The following TSPAN8 variants were observed in gnomAD, a reference collection of about 807,000 sequenced individuals.
TSPAN8 encodes tetraspanin 8.
Under a neutral mutation model 32.8 loss-of-function variants are expected in TSPAN8, and 21 were observed. The ratio of observed to expected loss-of-function variants is 0.64; its 90% CI spans 0.45 to 0.92. The LOEUF (loss-of-function observed/expected upper bound fraction) is 0.92. Ranked by LOEUF, TSPAN8 falls within the 40% of genes least tolerant of loss-of-function variation. The pLI is 0.00. For missense variants in TSPAN8, 269 were observed against 281.9 expected, an observed-to-expected ratio of 0.95 and a Z score of 0.33; for synonymous variants, 95 against 94.6, an observed-to-expected ratio of 1.00 and a Z score of -0.03.
At chr12:71,126,471 C>G (rs909219196) in intron 8 of TSPAN8, among the ~76,000 whole-genome samples, 12 of 152,074 alleles carry the variant, frequency 7.9e-5, no homozygotes, top group African/African-American at 2.9e-4. Context: ...ACTGCTACAT[C>G]CTTGAAATAG....
At chr12:71,126,521 C>T (rs1046829126) in intron 8 of TSPAN8, among the ~76,000 whole-genome samples, 7 of 152,114 alleles carry the variant, frequency 4.6e-5, no homozygotes, top group African/African-American at 1.4e-4. Flanking sequence ...GTTAATATCA[C>T]ACTTTCTTGT....
At chr12:71,150,871 T>C (rs1872231157) in intron 2 of TSPAN8, among the ~76,000 whole-genome samples, 1 of 152,134 alleles carries the variant, frequency 6.6e-6, no homozygotes, top group South Asian at 2.1e-4. Flanking sequence ...CCTGCCACCA[T>C]GTAAGATGGG....
At chr12:71,127,013 T>A (rs964855190) in intron 8 of TSPAN8, among the ~76,000 whole-genome samples, 2 of 152,152 alleles carry the variant, frequency 1.3e-5, no homozygotes, top group African/African-American at 4.8e-5. Context: ...CCCACCTCAC[T>A]AAAACCTATG....
At chr12:71,151,648 G>A (rs1872259451) in intron 2 of TSPAN8, among the ~76,000 whole-genome samples, 1 of 152,152 alleles carries the variant, frequency 6.6e-6, no homozygotes, top group African/African-American at 2.4e-5. Context: ...GTAGACCTGT[G>A]CATCCATTTG....
chr12:71,153,236 G>A (rs1872315451), intron 2 of TSPAN8, among the ~76,000 whole-genome samples: 1 of 152,122 alleles, frequency 6.6e-6, no homozygotes, highest in Admixed American at 6.6e-5. Context: ...AAAAATTGGG[G>A]CATTTCATCT....
At chr12:71,140,320 T>G (rs1871863121) in intron 3 of TSPAN8, among the ~76,000 whole-genome samples, 2 of 152,202 alleles carry the variant, frequency 1.3e-5, no homozygotes, top group Admixed American at 1.3e-4. Flanking sequence ...AAGTAAATAC[T>G]GTATGATTCC....
At chr12:71,139,498 A>AAGGATGTAT (rs1555195470) in intron 4 of TSPAN8, among the ~76,000 whole-genome samples, 104 of 151,882 alleles carry the variant, frequency 6.8e-4, no homozygotes, top group Middle Eastern at 3.4e-3. Flanking sequence ...TGGATGAATG[A>AAGGATGTAT]TTAAAATTTG....
chr12:71,144,062 A>G (rs763086097), intron 3 of TSPAN8, 89 bp downstream of exon 3: 64 of 1,151,588 alleles, frequency 5.6e-5, no homozygotes, highest in Non-Finnish European at 7.4e-5. Context: ...TGTTTTAGAC[A>G]TGTTTATTAC....
Position 71,125,163 on chromosome 12 carries a change from A to T in TSPAN8, c.*171T>A. On this transcript the variant is annotated 3_prime_UTR_variant, in exon 9 of 9. Transcript: ENST00000247829. ...CATATCATTTTCCCTTATATCCCTC[A>T]AATCTTAAATGTGTTCAATATGTCT... The T allele has an allele frequency of 1.9e-6, 1 of 517,970 alleles. No homozygotes were observed. Among genetic ancestry groups the T allele is most frequent in the Non-Finnish European group, 3.4e-6 (1 of 291,710 alleles). The allele number at this position is 517,970 out of a possible 1,614,324, so 32.1% of individuals were successfully genotyped here. A position where few individuals can be genotyped will look rare whatever the true frequency, so the allele number is the denominator to read the frequency against.
chr12:71,132,207 A>T (rs1871539158), intron 7 of TSPAN8, among the ~76,000 whole-genome samples: 1 of 152,214 alleles, frequency 6.6e-6, no homozygotes, highest in Non-Finnish European at 1.5e-5. Flanking sequence ...TAACATAGAG[A>T]ACCTAAACCC....
intron 2 of TSPAN8, among the ~76,000 whole-genome samples, chr12:71,156,488 CTTCT>C (rs1164225146): frequency 2.0e-5 from 3 of 150,860 alleles, no homozygotes; most frequent in East Asian, 1.9e-4. Flanking sequence ...TTTTTTTTGC[CTTCT>C]TTATTTTACT....
At chr12:71,139,485 G>T (rs1285367715) in intron 4 of TSPAN8, among the ~76,000 whole-genome samples, 1 of 152,264 alleles carries the variant, frequency 6.6e-6, no homozygotes, top group Admixed American at 6.5e-5. Flanking sequence ...GTGAATGAAT[G>T]AATGGATGAA....
chr12:71,150,758 C>A (rs192142558), intron 2 of TSPAN8, among the ~76,000 whole-genome samples: 69 of 152,234 alleles, frequency 4.5e-4, no homozygotes, highest in African/African-American at 1.5e-3. Flanking sequence ...CTGAATCATG[C>A]GGGTGGTTCC....
intron 2 of TSPAN8, among the ~76,000 whole-genome samples, chr12:71,150,240 C>G (rs1286333386): frequency 2.0e-5 from 3 of 152,198 alleles, no homozygotes; most frequent in Admixed American, 6.5e-5. Flanking sequence ...CCGCTGAACA[C>G]AGACCCTTAT....
rs551597572 is a variant in TSPAN8 at position 71,154,576 on chromosome 12, C to CT, written c.60+3042dup. 2.6e-5 allele frequency among the ~76,000 whole-genome samples: 4 copies of CT among 152,136 alleles called. No individual in the cohort carries two copies. In the East Asian group the frequency reaches 7.7e-4, roughly 29 times the overall value. On this transcript the variant is annotated intron_variant, in intron 2 of 8. Coordinates refer to ENST00000247829, the MANE Select transcript of TSPAN8 (RefSeq NM_004616.3). ...GATGTCTTCATAATAGCTATTAGCA[C>CT]TTTCCAGGATGTTTTAATACAACAA...
chr12:71,149,821 C>CA (rs1242542716), intron 2 of TSPAN8, among the ~76,000 whole-genome samples: 4 of 152,022 alleles, frequency 2.6e-5, no homozygotes, highest in African/African-American at 9.7e-5. Flanking sequence ...GTGCACCTTG[C>CA]AAAAGAACAA....
chr12:71,129,342 C>A lies in TSPAN8; in HGVS notation c.649G>T (p.Ala217Ser), dbSNP rs1356777071. 6.3e-7 allele frequency: 1 copy of A among 1,581,692 alleles called. No homozygotes were observed. The highest frequency in any genetic ancestry group is 8.6e-7 in the Non-Finnish European group (1 of 1,165,424). Reference protein sequence around the residue: ...IIVIGISFGLAVIEILGLVFS... With the variant: ...IIVIGISFGLSVIEILGLVFS... The stretch of plus-strand genomic sequence containing the variant: ...AGATTATACTGTACCTCAATAACTG[C>A]CAGTCCAAATGATATTCCAATAACT... Residue 217 changes from alanine (A) to serine (S), a missense_variant, in exon 8 of 9, where the codon GCA (alanine) becomes TCA (serine). By Grantham distance (99) the Ala-to-Ser change is moderately conservative. Coordinates refer to ENST00000247829, the MANE Select transcript of TSPAN8 (RefSeq NM_004616.3).
In TSPAN8 at chr12:71,157,781, T is replaced by C; in HGVS notation, c.-103A>G. 4.8e-6 allele frequency: 4 copies of C among 830,836 alleles called. No individual in the cohort carries two copies. Among genetic ancestry groups the C allele is most frequent in the Non-Finnish European group, 8.2e-6 (4 of 488,694 alleles). The allele number at this position is 830,836 out of a possible 1,614,324, so 51.5% of individuals were successfully genotyped here. The stretch of plus-strand genomic sequence containing the variant: ...CAACTTGCCTGCAGAGATTTCTGTA[T>C]CCACGGCTTCAGAGCAGAAAGAGAA... On this transcript the variant is annotated 5_prime_UTR_variant, in exon 2 of 9. Transcript: ENST00000247829.
At chr12:71,125,599 T>G (rs1001047694) in intron 8 of TSPAN8, among the ~76,000 whole-genome samples, 2 of 152,146 alleles carry the variant, frequency 1.3e-5, no homozygotes, top group Non-Finnish European at 2.9e-5. Context: ...TTTAATCAGC[T>G]TTTTTAGCTG....
Sources: allele counts gnomAD v4.1 joint callset (sites outside exome capture counted in the v4.1 genomes callset), GRCh38; gene constraint gnomAD v4.1.1; transcripts MANE v1.5; gene names NCBI Gene and HGNC (gene_info 2026-07-23, HGNC 2026-07-21).